Variants in SGCD observed in about 807,000 individuals in gnomAD.
SGCD encodes the protein sarcoglycan delta.
Under a neutral mutation model 36.6 loss-of-function variants are expected in SGCD, and 18 were observed. The ratio of observed to expected loss-of-function variants is 0.49; its 90% CI spans 0.34 to 0.73. SGCD has a LOEUF of 0.73. Ranked by LOEUF, SGCD falls within the 30% of genes least tolerant of loss-of-function variation. The pLI is 0.01. For missense variants in SGCD, 387 were observed against 346.7 expected (o/e 1.12, Z -0.92); for synonymous variants, 133 against 130.6 (o/e 1.02, Z -0.12).
intron 1 of SGCD, among the ~76,000 whole-genome samples, chr5:156,086,874 T>C (rs1419085516): frequency 6.6e-6 from 1 of 152,196 alleles, no homozygotes; most frequent in African/African-American, 2.4e-5. Context: ...GCTAATTCCA[T>C]TCTCTTCCTA....
At chr5:155,978,264 G>T (rs1047922057) in intron 1 of SGCD, among the ~76,000 whole-genome samples, 2 of 152,238 alleles carry the variant, frequency 1.3e-5, no homozygotes, top group Admixed American at 1.3e-4. Flanking sequence ...CATTGTGCTT[G>T]CTAAAAATGC....
At chr5:156,413,918 G>C (rs1772898611) in intron 3 of SGCD, among the ~76,000 whole-genome samples, 1 of 152,148 alleles carries the variant, frequency 6.6e-6, no homozygotes, top group Non-Finnish European at 1.5e-5. Context: ...ACACAGTACT[G>C]AGGTTTTGGA....
At chr5:156,128,393 C>A (rs745622786) in intron 3 of SGCD, among the ~76,000 whole-genome samples, 5 of 152,152 alleles carry the variant, frequency 3.3e-5, no homozygotes, top group Non-Finnish European at 5.9e-5. Flanking sequence ...AGGTATTTAT[C>A]AGACAGGATT....
At chr5:156,488,100 T>A (rs11949028) in intron 3 of SGCD, among the ~76,000 whole-genome samples, 2,498 of 61,420 alleles carry the variant, frequency 0.041, 44 homozygotes, top group Non-Finnish European at 0.055. Context: ...GAAGACAGGT[T>A]TTTTTTTTTT....
At chr5:156,187,536 GTGAATTCCTTAACCTTTC>G (rs1763791687) in intron 3 of SGCD, among the ~76,000 whole-genome samples, 1 of 92,718 alleles carries the variant, frequency 1.1e-5, no homozygotes, top group Middle Eastern at 5.6e-3. Flanking sequence ...GTGACCTTGG[GTGAATTCCTTAACCTTTC>G]TCTGCCACAG....
chr5:156,685,648 C>A (rs1360059047), intron 7 of SGCD, among the ~76,000 whole-genome samples: 1 of 152,176 alleles, frequency 6.6e-6, no homozygotes, highest in Admixed American at 6.5e-5. Context: ...CTCATGCATG[C>A]ATGCCTTGTC....
chr5:156,651,710 C>T (rs886626664), intron 7 of SGCD, among the ~76,000 whole-genome samples: 1 of 152,064 alleles, frequency 6.6e-6, no homozygotes, highest in Non-Finnish European at 1.5e-5. Context: ...CCTTAAAGTA[C>T]ACTTTGAAGC....
chr5:156,534,620 A>G (rs1221966805), intron 4 of SGCD, among the ~76,000 whole-genome samples: 2 of 152,174 alleles, frequency 1.3e-5, no homozygotes, highest in Non-Finnish European at 2.9e-5. Context: ...TGTGAGGGCA[A>G]TATAGCATAG....
At chr5:156,372,176 A>T (rs1770420008) in intron 3 of SGCD, among the ~76,000 whole-genome samples, 1 of 152,238 alleles carries the variant, frequency 6.6e-6, no homozygotes, top group Non-Finnish European at 1.5e-5. Flanking sequence ...ATTGTGTGAA[A>T]TTATAATGGA....
chr5:156,261,234 A>AT (rs1175029386), intron 3 of SGCD, among the ~76,000 whole-genome samples: 1 of 152,060 alleles, frequency 6.6e-6, no homozygotes, highest in Non-Finnish European at 1.5e-5. Context: ...ATGTGAAAAT[A>AT]TTTTTTCTTT....
intron 3 of SGCD, among the ~76,000 whole-genome samples, chr5:156,483,197 A>G (rs1041948287): frequency 2.6e-5 from 4 of 152,198 alleles, no homozygotes; most frequent in Non-Finnish European, 4.4e-5. Context: ...TAGTGTGTTC[A>G]GAGGACCAGT....
At chr5:156,211,619 A>G (rs1450210526) in intron 3 of SGCD, among the ~76,000 whole-genome samples, 1 of 152,006 alleles carries the variant, frequency 6.6e-6, no homozygotes, top group African/African-American at 2.4e-5. Context: ...AAAAAAAAAA[A>G]AAAAAGATGC....
At chr5:155,753,341 A>AAAAG in the SGCD span, among the ~76,000 whole-genome samples, 1 of 151,078 alleles carries the variant, frequency 6.6e-6, no homozygotes, top group Non-Finnish European at 1.5e-5. Context: ...GTCTAAAAAA[A>AAAAG]AAAGAAAGAA....
chr5:155,864,700 G>A, the SGCD span, among the ~76,000 whole-genome samples: 6 of 152,104 alleles, frequency 3.9e-5, no homozygotes, highest in Middle Eastern at 3.4e-3. Flanking sequence ...ATTCCAGAAA[G>A]ACTGTGGAAC....
intron 6 of SGCD, among the ~76,000 whole-genome samples, chr5:156,596,328 C>G (rs1490518626): frequency 1.3e-5 from 2 of 152,116 alleles, no homozygotes; most frequent in African/African-American, 4.8e-5. Flanking sequence ...CCTTTGCTAG[C>G]TGTGTAACCT....
At chr5:156,135,762 T>C (rs1280318869) in intron 3 of SGCD, among the ~76,000 whole-genome samples, 1 of 152,188 alleles carries the variant, frequency 6.6e-6, no homozygotes, top group African/African-American at 2.4e-5. Flanking sequence ...ATACTTTGAC[T>C]TTTTTTGGTA....
intron 1 of SGCD, among the ~76,000 whole-genome samples, chr5:156,083,944 G>T (rs1292059519): frequency 6.6e-6 from 1 of 151,860 alleles, no homozygotes; most frequent in Admixed American, 6.6e-5. Context: ...TCTTCTGACT[G>T]TACCATTGAT....
At position 156,511,885 on chromosome 5, in the gene SGCD, G is replaced by A. The variant is rs193264350; in HGVS notation, c.294+3183G>A. ...GTGTCTCTTAAGTCTATTCTGCAGA[G>A]GCAAGCACTGTTAAGAATTTACTGT... On this transcript the variant is annotated intron_variant, in intron 4 of 8. Coordinates refer to ENST00000337851, the MANE Select transcript of SGCD (RefSeq NM_000337.6). Among the ~76,000 whole-genome samples, 195 of 152,252 alleles carry A rather than the reference G, an allele frequency of 1.3e-3. 1 individual carries two copies. The highest frequency in any genetic ancestry group is 4.6e-3 in the African/African-American group (191 of 41,558).
At chr5:156,135,463 A>C (rs1762434414) in intron 3 of SGCD, among the ~76,000 whole-genome samples, 1 of 152,136 alleles carries the variant, frequency 6.6e-6, no homozygotes. Flanking sequence ...ATCACTAATT[A>C]ATTCTAGCTC....
Sources: gnomAD v4.1 joint callset for allele counts (sites outside exome capture counted in the v4.1 genomes callset) on GRCh38, gnomAD v4.1.1 for gene constraint, MANE v1.5 for transcripts, NCBI Gene and HGNC (gene_info 2026-07-23, HGNC 2026-07-21) for gene names.